The following POLD1 variants were observed in gnomAD, a reference collection of about 807,000 sequenced individuals.
POLD1 encodes the protein DNA polymerase delta 1, catalytic subunit, also known as DNA polymerase delta catalytic subunit.
A neutral mutation model predicts 129.7 loss-of-function variants in POLD1; 79 were observed. The observed-to-expected ratio is 0.61, with a 90% confidence interval of 0.51 to 0.73. The LOEUF (loss-of-function observed/expected upper bound fraction) is 0.73, where lower values mean the gene tolerates loss of function less well. Among genes scored for constraint, POLD1 ranks in the 30% least tolerant of loss-of-function variants. The pLI is 0.00. For missense variants in POLD1, 1,338 were observed against 1,595.8 expected, an observed-to-expected ratio of 0.84 and a Z score of 2.75; for synonymous variants, 714 against 683.3, an observed-to-expected ratio of 1.04 and a Z score of -0.70.
chr19:50,406,399 C>G lies in POLD1; in HGVS notation c.1384-8C>G, dbSNP rs878854521. On this transcript the variant is annotated splice_polypyrimidine_tract_variant and splice_region_variant and intron_variant, in intron 11 of 26. Coordinates refer to ENST00000440232, the MANE Select transcript of POLD1 (RefSeq NM_002691.4). This position sits in a 1 kb window ranked among gnomAD's most constrained non-coding sequence, Gnocchi z 5.5. ...GCCCGCAGCCCACCAGCCCACCCACCCACCTAGGTGCTGCTGCGGGAGTAC... is the reference window on the plus strand; with the variant it reads ...GCCCGCAGCCCACCAGCCCACCCACGCACCTAGGTGCTGCTGCGGGAGTAC... 1 of 1,606,386 alleles carries G rather than the reference C, an allele frequency of 6.2e-7. No individual in the cohort carries two copies. Among genetic ancestry groups the G allele is most frequent in the South Asian group, 1.1e-5 (1 of 90,452 alleles).
At position 50,409,439 on chromosome 19, in the gene POLD1, C is replaced by CA; in HGVS notation, c.2007-79dup. 6.3e-7 allele frequency: 1 copy of CA among 1,582,806 alleles called. No homozygotes were observed. The highest frequency in any genetic ancestry group is 8.7e-7 in the Non-Finnish European group (1 of 1,154,360). On this transcript the variant is annotated intron_variant, in intron 16 of 26. Coordinates refer to ENST00000440232, the MANE Select transcript of POLD1 (RefSeq NM_002691.4). The surrounding 1 kb of genome is among the most constrained non-coding windows in gnomAD (Gnocchi z 5.8). ...GCAGTGCACAGTACGCCCAACCGTA[C>CA]ATGGCACTCACTTCCAGAAAGGAGC...
At chr19:50,404,945 T>C (rs559387412) in intron 10 of POLD1, among the ~76,000 whole-genome samples, 1 of 152,186 alleles carries the variant, frequency 6.6e-6, no homozygotes, top group Admixed American at 6.5e-5. Context: ...TTTTGTATTT[T>C]TAGTAGACAG....
At chr19:50,390,277 C>T (rs1167948661) in intron 1 of POLD1, among the ~76,000 whole-genome samples, 1 of 150,468 alleles carries the variant, frequency 6.6e-6, no homozygotes, top group African/African-American at 2.4e-5. Context: ...TTATTATTTA[C>T]AGCTAGGCAA....
chr19:50,409,710 C>A lies in POLD1; in HGVS notation c.2154+44C>A, dbSNP rs763280433. ...GGAAGGCAACTGGGGGCAGGTGGGC[C>A]CCCTGTGTAGGAGACCAGGGCTCCA... is the stretch of plus-strand genomic sequence containing the variant. On this transcript the variant is annotated intron_variant, in intron 17 of 26. Coordinates refer to ENST00000440232, the MANE Select transcript of POLD1 (RefSeq NM_002691.4). This position sits in a 1 kb window ranked among gnomAD's most constrained non-coding sequence, Gnocchi z 5.8. The A allele has an allele frequency of 6.4e-7, 1 of 1,562,504 alleles. No homozygotes were observed. Among genetic ancestry groups the A allele is most frequent in the South Asian group, 1.2e-5 (1 of 84,354 alleles).
chr19:50,413,330 C>A, intron 17 of POLD1, 96 bp from the exon 18 acceptor site: 1 of 997,156 alleles, frequency 1.0e-6, no homozygotes, highest in Non-Finnish European at 1.5e-6. Context: ...GCCTATGCCA[C>A]TGGGAAATGG....
chr19:50,409,430 C>G lies in POLD1; in HGVS notation c.2007-89C>G. 1.3e-6 allele frequency: 2 copies of G among 1,553,620 alleles called. No individual in the cohort carries two copies. The highest frequency in any genetic ancestry group is 8.9e-7 in the Non-Finnish European group (1 of 1,129,714). ...AGCTTCTGTGCAGTGCACAGTACGC[C>G]CAACCGTACATGGCACTCACTTCCA... On this transcript the variant is annotated intron_variant, in intron 16 of 26. Coordinates refer to ENST00000440232, the MANE Select transcript of POLD1 (RefSeq NM_002691.4). This position sits in a 1 kb window ranked among gnomAD's most constrained non-coding sequence, Gnocchi z 5.8.
In POLD1 at chr19:50,402,392, T is replaced by C. The variant is rs1338664937; in HGVS notation, c.758+19T>C. ...AGATCCGGTACGGCCTCTGCCTCAC[T>C]TCTCCGGCCTCTATCCCCACCCTCG... On this transcript the variant is annotated intron_variant, in intron 6 of 26. Coordinates refer to ENST00000440232, the MANE Select transcript of POLD1 (RefSeq NM_002691.4). 7 of 1,613,322 alleles carry C rather than the reference T, an allele frequency of 4.3e-6. No individual in the cohort carries two copies. The highest frequency in any genetic ancestry group is 5.9e-6 in the Non-Finnish European group (7 of 1,179,466).
At position 50,414,940 on chromosome 19, in the gene POLD1, C is replaced by A. The variant is rs768368214; in HGVS notation, c.2514C>A (p.Pro838=). Residue 838 remains proline (P), a synonymous_variant, in exon 20 of 27, where the codon CCC becomes CCA. Transcript: ENST00000440232. ...GLEAVRRDNC[P]LVANLVTASL... is the part of the protein sequence containing the mutation. Reference sequence around the variant, plus strand: ...AGGCCGTGCGCAGGGACAACTGCCCCCTCGTGGCCAACCTGGTCACTGCCT... The same window carrying A: ...AGGCCGTGCGCAGGGACAACTGCCCACTCGTGGCCAACCTGGTCACTGCCT... The A allele has an allele frequency of 6.2e-7, 1 of 1,608,814 alleles. No individual in the cohort carries two copies. The highest frequency in any genetic ancestry group is 2.2e-5 in the East Asian group (1 of 44,646).
chr19:50,393,896 C>CT (rs2038251778), intron 1 of POLD1: 1 of 152,204 alleles, frequency 6.6e-6, no homozygotes, highest in African/African-American at 2.4e-5. Context: ...CTCTCTAATG[C>CT]TGAGTGTCTG....
intron 26 of POLD1, 127 bp from the exon 27 acceptor site, chr19:50,417,702 GCAAACAGCCCGCT>G: frequency 1.5e-5 from 3 of 193,974 alleles, no homozygotes; most frequent in East Asian, 9.1e-5. Context: ...TGCCTGCTGA[GCAAACAGCCCGCT>G]GCGGGAGGGG....
At chr19:50,417,718 G>A (rs1322218078) in intron 26 of POLD1, 124 bp from the exon 27 acceptor site, 16 of 407,266 alleles carry the variant, frequency 3.9e-5, no homozygotes, top group East Asian at 2.1e-4. Flanking sequence ...AGCCCGCTGC[G>A]GGAGGGGGCG....
At chr19:50,385,590 G>A (rs1261929620) in intron 1 of POLD1, among the ~76,000 whole-genome samples, 2 of 148,294 alleles carry the variant, frequency 1.3e-5, no homozygotes, top group East Asian at 4.0e-4. Flanking sequence ...ATGCAGTGGT[G>A]CAAACTCAGC....
chr19:50,405,219 C>T (rs1211138925), intron 10 of POLD1, among the ~76,000 whole-genome samples: 1 of 152,160 alleles, frequency 6.6e-6, no homozygotes, highest in Non-Finnish European at 1.5e-5. Context: ...CCCACATGTC[C>T]TCTTTGTGTA....
intron 1 of POLD1, chr19:50,387,701 C>G (rs1285108253): frequency 6.5e-6 from 1 of 152,808 alleles, no homozygotes; most frequent in Non-Finnish European, 1.5e-5. Flanking sequence ...CCTGCGCTTC[C>G]TCTGTCCCAC....
rs1017335325 is a variant in POLD1 at position 50,408,600 on chromosome 19, C to G, written c.1776-185C>G. On this transcript the variant is annotated intron_variant, in intron 14 of 26. Coordinates refer to ENST00000440232, the MANE Select transcript of POLD1 (RefSeq NM_002691.4). ...GTTTTGCCATGTTGCCCAGGCTGATCTGAAACTCCTGAGTTCAAGCGATCC... is the reference window on the plus strand; with the variant it reads ...GTTTTGCCATGTTGCCCAGGCTGATGTGAAACTCCTGAGTTCAAGCGATCC... The G allele has an allele frequency of 1.0e-5, 9 of 897,694 alleles. No homozygotes were observed. The African/African-American group carries it at 1.3e-4, about 13-fold the overall frequency. 55.6% of individuals were successfully genotyped at this position (897,694 alleles called of 1,614,324 possible).
intron 26 of POLD1, 71 bp from the exon 27 acceptor site, chr19:50,417,771 C>A (rs2039384370): frequency 4.2e-6 from 4 of 947,112 alleles, no homozygotes; most frequent in South Asian, 1.4e-5. Context: ...CTGGGAACAG[C>A]CCCCACCCCT....
intron 10 of POLD1, among the ~76,000 whole-genome samples, chr19:50,405,864 C>T (rs923996702): frequency 2.6e-5 from 4 of 152,168 alleles, no homozygotes; most frequent in Non-Finnish European, 4.4e-5. Context: ...TGGCCGCCTG[C>T]TCACAGTGTC....
At chr19:50,390,725 C>G (rs1490477792) in intron 1 of POLD1, among the ~76,000 whole-genome samples, 2 of 152,104 alleles carry the variant, frequency 1.3e-5, no homozygotes, top group African/African-American at 2.4e-5. Context: ...GCCCTGCGGC[C>G]TTCCGCAGTG....
chr19:50,416,512 C>T lies in POLD1; in HGVS notation c.2937C>T (p.Ala979=), dbSNP rs1060504361. Residue 979 remains alanine (A), a synonymous_variant, in exon 23 of 27, where the codon GCC becomes GCT. Transcript: ENST00000440232. The part of the protein sequence containing the change: ...IFEPILGEGR[A]EAVLLRGDHT... The stretch of plus-strand genomic sequence containing the variant: ...AGCCCATCCTGGGCGAGGGCCGTGC[C>T]GAGGCTGTGCTACTGCGTACGGGGG... 2.5e-5 allele frequency: 39 copies of T among 1,552,566 alleles called. No homozygotes were observed. Among genetic ancestry groups the T allele is most frequent in the East Asian group, 9.7e-5 (4 of 41,262 alleles).
Sources: gnomAD v4.1 joint callset for allele counts (sites outside exome capture counted in the v4.1 genomes callset) on GRCh38, gnomAD v4.1.1 for gene constraint, Gnocchi (gnomAD v3.1) non-coding constraint, MANE v1.5 for transcripts, NCBI Gene and HGNC (gene_info 2026-07-23, HGNC 2026-07-21) for gene names.